The following CARMIL2 variants were observed in gnomAD, a reference collection of about 807,000 sequenced individuals.
The protein encoded by CARMIL2 is capping protein regulator and myosin 1 linker 2.
A neutral mutation model predicts 173.3 loss-of-function variants in CARMIL2; 96 were observed. That is an observed-to-expected ratio of 0.55 (90% CI 0.47 to 0.66). The LOEUF is 0.66. CARMIL2 is among the 30% of genes least tolerant of loss of function. CARMIL2 has a pLI of 0.00. For missense variants in CARMIL2, 1,771 were observed against 1,906.7 expected, an observed-to-expected ratio of 0.93 and a Z score of 1.33; for synonymous variants, 830 against 817.1, an observed-to-expected ratio of 1.02 and a Z score of -0.27.
At chr16:67,654,757 C>T (rs201480643) in intron 31 of CARMIL2, 21 bp from the exon 32 acceptor site, 1 of 1,612,724 alleles carries the variant, frequency 6.2e-7, no homozygotes, top group East Asian at 2.2e-5. Context: ...CTGTCTCCAA[C>T]TCGAGCATCT....
At position 67,648,330 on chromosome 16, in the gene CARMIL2, CG is replaced by C; in HGVS notation, c.1334+20del. 1 of 1,577,112 alleles carries C rather than the reference CG, an allele frequency of 6.3e-7. No homozygotes were observed. Among genetic ancestry groups the C allele is most frequent in the Non-Finnish European group, 8.5e-7 (1 of 1,169,728 alleles). ...TCTCCCGCACGTAAGGGGGACCTGT[CG>C]GGGCCGGGGGAGGCTGCTGGAAGCC... On this transcript the variant is annotated intron_variant, in intron 14 of 37. Transcript: ENST00000334583. The surrounding 1 kb of genome is among the most constrained non-coding windows in gnomAD (Gnocchi z 6.1).
chr16:67,657,355 C>T lies in CARMIL2; in HGVS notation c.4195+39C>T, dbSNP rs117444844. 0.037 allele frequency: 59,879 copies of T among 1,610,526 alleles called. 1,318 individuals carry two copies. The highest frequency in any genetic ancestry group is 0.1 in the Middle Eastern group (622 of 6,054). ...CAGGCCAGCTGGGAGGGTGGCAGGACTGCTTAGCCCAGCCCTGACCCTTCC... is the reference window on the plus strand; with the variant it reads ...CAGGCCAGCTGGGAGGGTGGCAGGATTGCTTAGCCCAGCCCTGACCCTTCC... On this transcript the variant is annotated intron_variant, in intron 37 of 37. Coordinates refer to ENST00000334583, the MANE Select transcript of CARMIL2 (RefSeq NM_001013838.3). The surrounding 1 kb of genome is among the most constrained non-coding windows in gnomAD (Gnocchi z 4.5).
chr16:67,645,298 C>T lies in CARMIL2; in HGVS notation c.40+12C>T, dbSNP rs552832007. ...CTGTGAGCTCCGAGGTAAGCGCTGG[C>T]CCTTCCTGCCTTCTTGGCCGGGAGG... On this transcript the variant is annotated intron_variant, in intron 1 of 37. Transcript: ENST00000334583. 1.9e-6 allele frequency: 3 copies of T among 1,601,718 alleles called. No homozygotes were observed. The highest frequency in any genetic ancestry group is 1.7e-6 in the Non-Finnish European group (2 of 1,174,798).
chr16:67,654,610 G>C lies in CARMIL2; in HGVS notation c.3500G>C (p.Arg1167Pro), dbSNP rs778212007. The change falls in exon 31 of 38, where the codon CGC (arginine) becomes CCC (proline). Residue 1167 changes from arginine (R) to proline (P), a missense_variant. By Grantham distance (103) the Arg-to-Pro change is moderately radical (BLOSUM62 -2). Transcript: ENST00000334583. Reference protein sequence around the residue: ...SPDPAGRSRPRYTRDSKAYSM... With the variant: ...SPDPAGRSRPPYTRDSKAYSM... ...GACCCTGCCGGCAGGAGCCGACCTC[G>C]CTACACAAGAGATAGCAAGGCCTAC... 5.6e-6 allele frequency: 9 copies of C among 1,603,262 alleles called. No individual in the cohort carries two copies. The highest frequency in any genetic ancestry group is 1.7e-5 in the Admixed American group (1 of 58,848).
In CARMIL2 at chr16:67,647,715, C is replaced by T. The variant is rs767541237; in HGVS notation, c.907C>T (p.Pro303Ser). Residue 303 changes from proline to serine, a missense_variant, in exon 12 of 38, where the codon CCA (proline) becomes TCA (serine). Around this residue, in one of 3 missense-constraint regions of CARMIL2, gnomAD observed 944 missense variants for 975.6 expected, o/e 0.97. Transcript: ENST00000334583. ...ACTCAGCAGACACCTCGAGCGTTGT[C>T]CAGGAGCCCTGAGGAGACTCAGCCT... Reference protein sequence around the residue: ...TALSRHLERCPGALRRLSLAQ... With the variant: ...TALSRHLERCSGALRRLSLAQ... 2.5e-5 allele frequency: 40 copies of T among 1,597,952 alleles called. No individual in the cohort carries two copies. The Admixed American group carries it at 6.6e-4, about 26-fold the overall frequency.
In CARMIL2 at chr16:67,647,580, G is replaced by A. The variant is rs761319178; in HGVS notation, c.849G>A (p.Ala283=). The A allele has an allele frequency of 1.1e-5, 18 of 1,610,784 alleles. No homozygotes were observed. The highest frequency in any genetic ancestry group is 2.2e-5 in the South Asian group (2 of 90,444). ...CTGGGCTGCGGGAGCTCAGCCTCGC[G>A]GGGAACCTGCTGGATGACCGAGGTA... ...SSSGLRELSL[A]GNLLDDRGMT... The change falls in exon 11 of 38, where the codon GCG becomes GCA. Residue 283 remains alanine, a synonymous_variant. Coordinates refer to ENST00000334583, the MANE Select transcript of CARMIL2 (RefSeq NM_001013838.3).
At position 67,651,467 on chromosome 16, in the gene CARMIL2, G is replaced by T. The variant is rs2052721458; in HGVS notation, c.2380G>T (p.Glu794Ter). ...TCACTGGCAGCTTGGGCAGAAGCTGGAGGGCCTTCTGAGACAGGTGGGCGA... is the reference window on the plus strand; with the variant it reads ...TCACTGGCAGCTTGGGCAGAAGCTGTAGGGCCTTCTGAGACAGGTGGGCGA... ...SHHWQLGQKL[E>*]GLLRQVGEVC... The change falls in exon 24 of 38, where the codon GAG becomes TAG. Residue 794 changes from glutamate to a stop codon, truncating the protein, a stop_gained. Transcript: ENST00000334583. LOFTEE classifies it high-confidence loss of function. The surrounding 1 kb of genome is among the most constrained non-coding windows in gnomAD (Gnocchi z 4.2). The T allele has an allele frequency of 6.3e-7, 1 of 1,599,976 alleles. No homozygotes were observed. Among genetic ancestry groups the T allele is most frequent in the Non-Finnish European group, 8.5e-7 (1 of 1,172,090 alleles).
Position 67,652,484 on chromosome 16 carries a change from C to T in CARMIL2, c.2830C>T (p.Pro944Ser), listed in dbSNP as rs775335623. 5 of 1,613,616 alleles carry T rather than the reference C, an allele frequency of 3.1e-6. No individual in the cohort carries two copies. The East Asian group carries it at 8.9e-5, about 29-fold the overall frequency. The part of the protein sequence containing the change: ...EEEKEKDDSP[P>S]QKWPELSHGL... ...CCCTCCCCACCAGGATGACAGTCCT[C>T]CACAGAAATGGCCTGAGCTCAGCCA... Residue 944 changes from proline to serine, a missense_variant, in exon 28 of 38, where the codon CCA becomes TCA. Transcript: ENST00000334583. The surrounding 1 kb of genome is among the most constrained non-coding windows in gnomAD (Gnocchi z 4.7).
rs764560064 is a variant in CARMIL2 at position 67,657,212 on chromosome 16, C to T, written c.4118-27C>T. ...GGACAGACCCCAAGCCTTAGCAACC[C>T]ACCCCAAGCCTTTCTGTGTCCCTTA... On this transcript the variant is annotated intron_variant, in intron 36 of 37. Transcript: ENST00000334583. The surrounding 1 kb of genome is among the most constrained non-coding windows in gnomAD (Gnocchi z 4.5). 1.2e-6 allele frequency: 2 copies of T among 1,607,320 alleles called. No individual in the cohort carries two copies. Among genetic ancestry groups the T allele is most frequent in the Non-Finnish European group, 1.7e-6 (2 of 1,175,416 alleles).
Position 67,651,255 on chromosome 16 carries a change from G to C in CARMIL2, c.2253G>C (p.Gln751His), listed in dbSNP as rs750123004. Residue 751 changes from glutamine (Q) to histidine (H), a missense_variant, in exon 23 of 38, where the codon CAG (glutamine) becomes CAC (histidine). By Grantham distance (24) the Gln-to-His change is conservative. Transcript: ENST00000334583. The surrounding 1 kb of genome is among the most constrained non-coding windows in gnomAD (Gnocchi z 4.2). ...VELLGCGAGP[Q>H]GEAAVRQAED... The stretch of plus-strand genomic sequence containing the variant: ...TGCTGGGCTGTGGGGCTGGGCCCCA[G>C]GGTGAAGCCGCTGTGCGCCAGGCCG... 6.2e-7 allele frequency: 1 copy of C among 1,613,592 alleles called. No homozygotes were observed. Among genetic ancestry groups the C allele is most frequent in the South Asian group, 1.1e-5 (1 of 91,086 alleles).
In CARMIL2 at chr16:67,651,928, C is replaced by T. The variant is rs759780746; in HGVS notation, c.2596C>T (p.Arg866Trp). 72 of 1,613,410 alleles carry T rather than the reference C, an allele frequency of 4.5e-5. No homozygotes were observed. The highest frequency in any genetic ancestry group is 5.3e-5 in the Non-Finnish European group (62 of 1,179,854). ...QDAFTRLRDMRLSITGTLAES... is the reference protein window; with the variant it reads ...QDAFTRLRDMWLSITGTLAES... The stretch of plus-strand genomic sequence containing the variant: ...GTCCTCTCCTGCCCTTAGGGACATG[C>T]GGCTATCAATCACGGGGACCTTGGC... The change falls in exon 26 of 38, where the codon CGG becomes TGG. Residue 866 changes from arginine (R) to tryptophan (W), a missense_variant. Coordinates refer to ENST00000334583, the MANE Select transcript of CARMIL2 (RefSeq NM_001013838.3). The surrounding 1 kb of genome is among the most constrained non-coding windows in gnomAD (Gnocchi z 4.2).
chr16:67,652,422 T>G lies in CARMIL2; in HGVS notation c.2818-50T>G. The G allele has an allele frequency of 6.2e-7, 1 of 1,611,984 alleles. No homozygotes were observed. Among genetic ancestry groups the G allele is most frequent in the Non-Finnish European group, 8.5e-7 (1 of 1,178,896 alleles). On this transcript the variant is annotated intron_variant, in intron 27 of 37. Coordinates refer to ENST00000334583, the MANE Select transcript of CARMIL2 (RefSeq NM_001013838.3). The surrounding 1 kb of genome is among the most constrained non-coding windows in gnomAD (Gnocchi z 4.7). Reference sequence around the variant, plus strand: ...GTGTGGAAGGTGAAAGGCAGCTCTTTTGGGTTGGTGCTCTCCTACCCCAGG... The same window carrying G: ...GTGTGGAAGGTGAAAGGCAGCTCTTGTGGGTTGGTGCTCTCCTACCCCAGG...
At position 67,647,937 on chromosome 16, in the gene CARMIL2, G is replaced by A. The variant is rs748755674; in HGVS notation, c.1050G>A (p.Leu350=). ...HLDLSGNPGA[L]GASEDSGGLY... Reference sequence around the variant, plus strand: ...ACCTTTCTGGGAATCCTGGGGCGCTGGGGGCCTCCGAGGACAGTGGGGTGA... The same window carrying A: ...ACCTTTCTGGGAATCCTGGGGCGCTAGGGGCCTCCGAGGACAGTGGGGTGA... The change falls in exon 13 of 38, where the codon CTG becomes CTA. Residue 350 remains leucine (L), a synonymous_variant. Transcript: ENST00000334583. The A allele has an allele frequency of 1.9e-6, 3 of 1,609,204 alleles. No homozygotes were observed. In the South Asian group the frequency reaches 3.3e-5, roughly 18 times the overall value.
Position 67,652,250 on chromosome 16 carries a change from G to A in CARMIL2, c.2728G>A (p.Ala910Thr). ...ATVTMPPALP[A>T]PDGGEPSLLE... ...AGTGACAATGCCCCCTGCCCTACCAGCACCGGATGGAGGTGAGCCCAGCCT... is the reference window on the plus strand; with the variant it reads ...AGTGACAATGCCCCCTGCCCTACCAACACCGGATGGAGGTGAGCCCAGCCT... Residue 910 changes from alanine (A) to threonine (T), a missense_variant, in exon 27 of 38, where the codon GCA becomes ACA. Ala to Thr is a moderately conservative substitution (Grantham distance 58). Around this residue, in one of 3 missense-constraint regions of CARMIL2, gnomAD observed 817 missense variants for 903.5 expected, o/e 0.90. Coordinates refer to ENST00000334583, the MANE Select transcript of CARMIL2 (RefSeq NM_001013838.3). The surrounding 1 kb of genome is among the most constrained non-coding windows in gnomAD (Gnocchi z 4.7). 1 of 1,613,302 alleles carries A rather than the reference G, an allele frequency of 6.2e-7. No individual in the cohort carries two copies. The highest frequency in any genetic ancestry group is 8.5e-7 in the Non-Finnish European group (1 of 1,179,866).
rs1434281012 is a variant in CARMIL2 at position 67,651,640 on chromosome 16, G to A, written c.2428-45G>A. 8 of 1,592,886 alleles carry A rather than the reference G, an allele frequency of 5.0e-6. No homozygotes were observed. Among genetic ancestry groups the A allele is most frequent in the East Asian group, 2.3e-5 (1 of 43,996 alleles). On this transcript the variant is annotated intron_variant, in intron 24 of 37. Coordinates refer to ENST00000334583, the MANE Select transcript of CARMIL2 (RefSeq NM_001013838.3). This position sits in a 1 kb window ranked among gnomAD's most constrained non-coding sequence, Gnocchi z 4.2. ...GTTGGAGCCTCAAGCCAGCAGCCTGGTGTCTGGCCACATCCTCACCATGCT... is the reference window on the plus strand; with the variant it reads ...GTTGGAGCCTCAAGCCAGCAGCCTGATGTCTGGCCACATCCTCACCATGCT...
Position 67,647,211 on chromosome 16 carries a change from G to A in CARMIL2, c.687+20G>A. The A allele has an allele frequency of 6.2e-7, 1 of 1,613,574 alleles. No individual in the cohort carries two copies. The highest frequency in any genetic ancestry group is 2.2e-5 in the East Asian group (1 of 44,882). Reference sequence around the variant, plus strand: ...AAGCTGGTGAGGGGGTTCGGGGTAAGGGCAGGGAGGGGCCAAGGGTGTGGG... The same window carrying A: ...AAGCTGGTGAGGGGGTTCGGGGTAAAGGCAGGGAGGGGCCAAGGGTGTGGG... On this transcript the variant is annotated intron_variant, in intron 9 of 37. Transcript: ENST00000334583.
Position 67,648,252 on chromosome 16 carries a change from A to G in CARMIL2, c.1272A>G (p.Val424=), listed in dbSNP as rs779082869. The G allele has an allele frequency of 6.2e-7, 1 of 1,600,428 alleles. No individual in the cohort carries two copies. The highest frequency in any genetic ancestry group is 8.5e-7 in the Non-Finnish European group (1 of 1,176,638). ...NSLPPQLFAA[V]SRGCCTSLTH... ...TCCCCCCGCAGCTCTTCGCAGCGGT[A>G]TCCCGAGGCTGCTGCACCAGCCTTA... The change falls in exon 14 of 38, where the codon GTA becomes GTG. Residue 424 remains valine, a synonymous_variant. Transcript: ENST00000334583. The surrounding 1 kb of genome is among the most constrained non-coding windows in gnomAD (Gnocchi z 6.1).
intron 2 of CARMIL2, 43 bp from the exon 3 acceptor site, chr16:67,645,681 G>A (rs2052580309): frequency 1.9e-6 from 3 of 1,613,408 alleles, no homozygotes; most frequent in Admixed American, 1.7e-5. Context: ...CCCACAGAAA[G>A]AGCCTCTTGC....
At position 67,648,146 on chromosome 16, in the gene CARMIL2, TG is replaced by T. The variant is rs756447715; in HGVS notation, c.1172del (p.Gly391AspfsTer3). On this transcript the variant is annotated frameshift_variant, in exon 14 of 38. Coordinates refer to ENST00000334583, the MANE Select transcript of CARMIL2 (RefSeq NM_001013838.3). LOFTEE classifies it high-confidence loss of function. This position sits in a 1 kb window ranked among gnomAD's most constrained non-coding sequence, Gnocchi z 6.1. ...TALDTVRGCS[V>X]GGWMTGRADW... ...CTGGACACTGTGAGGGGGTGCTCCGTGGGGGGATGGATGACCGGCAGGGCGG... is the reference window on the plus strand; with the variant it reads ...CTGGACACTGTGAGGGGGTGCTCCGTGGGGGATGGATGACCGGCAGGGCGG... The T allele has an allele frequency of 6.8e-7, 1 of 1,474,964 alleles. No homozygotes were observed. Among genetic ancestry groups the T allele is most frequent in the Non-Finnish European group, 9.1e-7 (1 of 1,096,570 alleles). 91.4% of individuals were successfully genotyped at this position (1,474,964 alleles called of 1,614,324 possible).
Sources: gnomAD v4.1 joint callset for allele counts on GRCh38, gnomAD v4.1.1 for gene constraint, gnomAD v4.1.1 regional missense constraint, Gnocchi (gnomAD v3.1) non-coding constraint, MANE v1.5 for transcripts, NCBI Gene and HGNC (gene_info 2026-07-23, HGNC 2026-07-21) for gene names.